The following DAB1 variants were observed in gnomAD, a reference collection of about 807,000 sequenced individuals.
DAB1 encodes DAB adaptor protein 1.
Under a neutral mutation model 64.6 loss-of-function variants are expected in DAB1, and 15 were observed. The observed-to-expected ratio is 0.23, with a 90% CI of 0.16 to 0.36. DAB1 has a LOEUF of 0.36. DAB1 is among the 10% of genes least tolerant of loss of function. DAB1 has a pLI of 1.00. For synonymous variants in DAB1, 235 were observed against 251.9 expected (o/e 0.93, Z 0.64); for missense variants, 596 against 706.7 (o/e 0.84, Z 1.78).
intron 6 of DAB1, among the ~76,000 whole-genome samples, chr1:57,737,123 C>CTG (rs1223247596): frequency 8.5e-5 from 13 of 152,312 alleles, no homozygotes; most frequent in Admixed American, 7.2e-4. Context: ...GTGGAGGCAT[C>CTG]TGTGGCCTTG....
Position 57,088,880 on chromosome 1 carries a change from CT to C in DAB1, c.307-16467del, listed in dbSNP as rs1019384524. On this transcript the variant is annotated intron_variant, in intron 4 of 14. Coordinates refer to ENST00000371236, the MANE Select transcript of DAB1 (RefSeq NM_001365792.1). ...CTATAGCTTGAGATGCAGGCCCCGG[CT>C]TTAAGTGCCTTACACATTCTTTTAC... Among the ~76,000 whole-genome samples, 4 of 152,238 alleles carry C rather than the reference CT, an allele frequency of 2.6e-5. No individual in the cohort carries two copies. In the South Asian group the frequency reaches 6.2e-4, roughly 24 times the overall value.
In DAB1 at chr1:58,290,830, C is replaced by T. The variant is rs570703699; in HGVS notation, n.309+52522G>A. Reference sequence around the variant, plus strand: ...AGGATCCTCCAGGCTCTCCTGGCTGCCACTGCAGAGTTAGAACCACGTGCT... The same window carrying T: ...AGGATCCTCCAGGCTCTCCTGGCTGTCACTGCAGAGTTAGAACCACGTGCT... On this transcript the variant is annotated intron_variant and non_coding_transcript_variant, in intron 4 of 20. Coordinates refer to the DAB1 transcript ENST00000485760. Among the ~76,000 whole-genome samples, 4 of 152,274 alleles carry T rather than the reference C, an allele frequency of 2.6e-5. No individual in the cohort carries two copies. In the South Asian group the frequency reaches 8.3e-4, roughly 32 times the overall value.
At chr1:58,146,563 T>C (rs1012491291) in intron 5 of DAB1, among the ~76,000 whole-genome samples, 1 of 152,166 alleles carries the variant, frequency 6.6e-6, no homozygotes, top group Non-Finnish European at 1.5e-5. Flanking sequence ...ATGTAATCTA[T>C]GTTGTTTACA....
At chr1:58,114,815 G>A (rs1460798240) in intron 5 of DAB1, among the ~76,000 whole-genome samples, 1 of 152,202 alleles carries the variant, frequency 6.6e-6, no homozygotes, top group African/African-American at 2.4e-5. Flanking sequence ...TATTCAATCA[G>A]TGTGTATTGT....
intron 5 of DAB1, among the ~76,000 whole-genome samples, chr1:58,022,747 A>T (rs1182931163): frequency 1.3e-5 from 2 of 152,110 alleles, no homozygotes; most frequent in African/African-American, 4.8e-5. Flanking sequence ...ATAATTTGGC[A>T]CTGCACTTCG....
At chr1:58,469,294 C>A (rs1354123877) in intron 3 of DAB1, among the ~76,000 whole-genome samples, 1 of 152,066 alleles carries the variant, frequency 6.6e-6, no homozygotes, top group East Asian at 1.9e-4. Flanking sequence ...GTAGGTCTCA[C>A]TTTTGTTATC....
chr1:57,171,390 C>T (rs12565136), intron 2 of DAB1, among the ~76,000 whole-genome samples: 16,529 of 152,182 alleles, frequency 0.11, 1,806 homozygotes, highest in African/African-American at 0.27. Context: ...ACCTGTTCTC[C>T]TTGATAACTC....
intron 5 of DAB1, among the ~76,000 whole-genome samples, chr1:58,033,818 C>CT (rs980225055): frequency 7.9e-5 from 12 of 151,426 alleles, no homozygotes; most frequent in East Asian, 3.9e-4. Context: ...TTAGAATCAT[C>CT]TTTTTTTTTA....
chr1:57,557,722 C>T lies in DAB1; in HGVS notation n.625+91870G>A, dbSNP rs530837746. 2.0e-5 allele frequency among the ~76,000 whole-genome samples: 3 copies of T among 152,228 alleles called. No homozygotes were observed. In the South Asian group the frequency reaches 6.2e-4, roughly 32 times the overall value. ...AGTTATGCAAAATAAATGCATTTGACACTCCTGATTCATCGTTGGTGAGGG... is the reference window on the plus strand; with the variant it reads ...AGTTATGCAAAATAAATGCATTTGATACTCCTGATTCATCGTTGGTGAGGG... On this transcript the variant is annotated intron_variant and non_coding_transcript_variant, in intron 7 of 20. Coordinates refer to the DAB1 transcript ENST00000485760.
intron 1 of DAB1, among the ~76,000 whole-genome samples, chr1:57,418,970 A>G (rs530483253): frequency 5.9e-5 from 9 of 152,216 alleles, no homozygotes; most frequent in Admixed American, 1.3e-4. Flanking sequence ...GATTAATTTG[A>G]TTAATGAGTT....
At chr1:57,840,347 T>C (rs1321872441) in intron 1 of DAB1, among the ~76,000 whole-genome samples, 2 of 152,182 alleles carry the variant, frequency 1.3e-5, no homozygotes, top group African/African-American at 4.8e-5. Flanking sequence ...TGGGGAGTCA[T>C]GGAGATGGGA....
At chr1:57,080,391 A>G (rs1007890868) in intron 4 of DAB1, among the ~76,000 whole-genome samples, 1 of 152,194 alleles carries the variant, frequency 6.6e-6, no homozygotes, top group Non-Finnish European at 1.5e-5. Context: ...TTTCACCAAC[A>G]ATTAAAACGA....
chr1:57,686,716 G>C (rs907638355), intron 6 of DAB1, among the ~76,000 whole-genome samples: 1 of 152,108 alleles, frequency 6.6e-6, no homozygotes, highest in Non-Finnish European at 1.5e-5. Flanking sequence ...TGATCAAGTA[G>C]GCTTTATTTC....
chr1:57,851,923 T>C (rs1313417342), intron 1 of DAB1, among the ~76,000 whole-genome samples: 1 of 152,184 alleles, frequency 6.6e-6, no homozygotes, highest in Non-Finnish European at 1.5e-5. Context: ...TGAGGAGTCT[T>C]TCCTAATTGC....
At chr1:57,119,519 G>A (rs1275653202) in intron 4 of DAB1, among the ~76,000 whole-genome samples, 2 of 152,046 alleles carry the variant, frequency 1.3e-5, no homozygotes, top group Non-Finnish European at 2.9e-5. Flanking sequence ...TGTCACATGT[G>A]CTCTGTAGAC....
At chr1:58,194,962 T>G (rs765716763) in intron 4 of DAB1, among the ~76,000 whole-genome samples, 3 of 152,254 alleles carry the variant, frequency 2.0e-5, no homozygotes, top group African/African-American at 2.4e-5. Flanking sequence ...ATGTACTTTC[T>G]ATGTCTTTGT....
At chr1:58,441,981 C>T (rs1645014869) in intron 3 of DAB1, among the ~76,000 whole-genome samples, 1 of 152,156 alleles carries the variant, frequency 6.6e-6, no homozygotes. Context: ...GGAGGCCTCT[C>T]TCCAGCACAT....
intron 3 of DAB1, among the ~76,000 whole-genome samples, chr1:58,415,096 G>A (rs1007695441): frequency 1.3e-5 from 2 of 152,118 alleles, no homozygotes; most frequent in African/African-American, 4.8e-5. Context: ...GGTCAGGAAG[G>A]TTGGGCCTTC....
intron 7 of DAB1, among the ~76,000 whole-genome samples, chr1:57,579,885 C>T (rs1645291670): frequency 6.6e-6 from 1 of 152,194 alleles, no homozygotes; most frequent in Admixed American, 6.5e-5. Flanking sequence ...GGTTTCATTA[C>T]ACTCACAGTT....
Sources: allele counts gnomAD v4.1 joint callset (sites outside exome capture counted in the v4.1 genomes callset), GRCh38; gene constraint gnomAD v4.1.1; transcripts MANE v1.5; gene names NCBI Gene and HGNC (gene_info 2026-07-23, HGNC 2026-07-21).